PRTFDC1: variants seen among roughly 807,000 people sequenced by gnomAD.
The protein encoded by PRTFDC1 is phosphoribosyl transferase domain containing 1, also known as phosphoribosyltransferase domain-containing protein 1.
In PRTFDC1, 38 loss-of-function variants were observed where a neutral mutation model predicts 34.6. The ratio of observed to expected loss-of-function variants is 1.10; its 90% confidence interval spans 0.85 to 1.44. The LOEUF (loss-of-function observed/expected upper bound fraction) is 1.44. Among genes scored for constraint, PRTFDC1 ranks in the 40% most tolerant of loss-of-function variants. The pLI, the probability that PRTFDC1 is intolerant of heterozygous loss-of-function variation, is 0.00. For synonymous variants in PRTFDC1, 93 were observed against 98.1 expected, an observed-to-expected ratio of 0.95 and a Z score of 0.31; for missense variants, 270 against 283.0, an observed-to-expected ratio of 0.95 and a Z score of 0.33.
intron 1 of PRTFDC1, among the ~76,000 whole-genome samples, chr10:24,950,640 G>C (rs545332315): frequency 6.6e-6 from 1 of 151,238 alleles, no homozygotes; most frequent in Non-Finnish European, 1.5e-5. Flanking sequence ...TCTTGACCCC[G>C]CCCCTCCTGC....
chr10:24,919,431 T>G (rs1267591473), intron 3 of PRTFDC1, among the ~76,000 whole-genome samples: 1 of 152,222 alleles, frequency 6.6e-6, no homozygotes, highest in Non-Finnish European at 1.5e-5. Context: ...GTTAGCCATG[T>G]GCAGAAAATT....
intron 2 of PRTFDC1, among the ~76,000 whole-genome samples, chr10:24,941,664 C>G (rs775140683): frequency 1.3e-5 from 2 of 152,070 alleles, no homozygotes; most frequent in Non-Finnish European, 2.9e-5. Flanking sequence ...AACCCTACCC[C>G]CTACCCAGGA....
Position 24,938,299 on chromosome 10 carries a change from C to T in PRTFDC1, c.156-932G>A, listed in dbSNP as rs114869141. 7.1e-3 allele frequency among the ~76,000 whole-genome samples: 1,077 copies of T among 152,004 alleles called. 16 individuals carry two copies. The highest frequency in any genetic ancestry group is 0.025 in the African/African-American group (1,033 of 41,464). On this transcript the variant is annotated intron_variant, in intron 2 of 8. Coordinates refer to ENST00000320152, the MANE Select transcript of PRTFDC1 (RefSeq NM_020200.7). ...GGTGAACACATCCTCTCCAGAAAAGCAACTATAAAACTGGGCAAAACTGCC... is the reference window on the plus strand; with the variant it reads ...GGTGAACACATCCTCTCCAGAAAAGTAACTATAAAACTGGGCAAAACTGCC...
intron 4 of PRTFDC1, among the ~76,000 whole-genome samples, chr10:24,862,351 C>T (rs1339453789): frequency 6.6e-6 from 1 of 151,650 alleles, no homozygotes; most frequent in East Asian, 1.9e-4. Context: ...GTCTCTTTTG[C>T]AGTATAGGCA....
At chr10:24,860,267 G>C (rs1358461344) in intron 4 of PRTFDC1, among the ~76,000 whole-genome samples, 1 of 152,252 alleles carries the variant, frequency 6.6e-6, no homozygotes, top group East Asian at 1.9e-4. Context: ...TGTAATCCCA[G>C]CTACTCAGGA....
intron 3 of PRTFDC1, among the ~76,000 whole-genome samples, chr10:24,900,089 TG>T (rs1848425327): frequency 6.6e-6 from 1 of 152,226 alleles, no homozygotes; most frequent in Non-Finnish European, 1.5e-5. Flanking sequence ...ATTCCATCAA[TG>T]GGCAGAATTC....
At chr10:24,917,930 C>G (rs117768952) in intron 3 of PRTFDC1, among the ~76,000 whole-genome samples, 6 of 152,280 alleles carry the variant, frequency 3.9e-5, no homozygotes, top group Non-Finnish European at 8.8e-5. Context: ...TTAGCTGGAT[C>G]TCCCCAGGCC....
intron 3 of PRTFDC1, among the ~76,000 whole-genome samples, chr10:24,879,985 A>G (rs1346258207): frequency 1.3e-5 from 2 of 152,116 alleles, no homozygotes; most frequent in African/African-American, 2.4e-5. Context: ...GCATCTCACG[A>G]ATTCAGGGAC....
chr10:24,880,497 A>G (rs1276374769), intron 3 of PRTFDC1, among the ~76,000 whole-genome samples: 2 of 152,182 alleles, frequency 1.3e-5, no homozygotes, highest in African/African-American at 4.8e-5. Context: ...AAACATACAC[A>G]TCTGTGTGAG....
intron 3 of PRTFDC1, among the ~76,000 whole-genome samples, chr10:24,899,756 A>G (rs760311261): frequency 6.6e-6 from 1 of 152,218 alleles, no homozygotes; most frequent in African/African-American, 2.4e-5. Context: ...ACAGATGACA[A>G]TGATGAATGA....
intron 3 of PRTFDC1, among the ~76,000 whole-genome samples, chr10:24,895,844 T>C (rs1336505461): frequency 6.6e-6 from 1 of 151,580 alleles, no homozygotes; most frequent in Non-Finnish European, 1.5e-5. Context: ...ATTACAACAA[T>C]AATATGAGTA....
chr10:24,869,580 T>C (rs1250480489), intron 4 of PRTFDC1, among the ~76,000 whole-genome samples: 1 of 152,220 alleles, frequency 6.6e-6, no homozygotes, highest in East Asian at 1.9e-4. Flanking sequence ...GGGCTCTGGC[T>C]ACTTCTGGTG....
intron 3 of PRTFDC1, among the ~76,000 whole-genome samples, chr10:24,907,521 G>A (rs947816237): frequency 5.3e-5 from 8 of 152,296 alleles, no homozygotes; most frequent in Admixed American, 1.3e-4. Context: ...ACTTGAACCC[G>A]GGAGATGGAG....
At chr10:24,858,256 T>C (rs918463526) in intron 5 of PRTFDC1, 136 bp downstream of exon 5, 6 of 825,710 alleles carry the variant, frequency 7.3e-6, no homozygotes, top group Non-Finnish European at 9.8e-6. Context: ...CTGGCCCCTA[T>C]TCATTAAATT....
chr10:24,902,312 G>T (rs1004842692), intron 3 of PRTFDC1, among the ~76,000 whole-genome samples: 1 of 152,094 alleles, frequency 6.6e-6, no homozygotes, highest in African/African-American at 2.4e-5. Context: ...AGCTGTGGAC[G>T]GATGCCAATG....
intron 3 of PRTFDC1, among the ~76,000 whole-genome samples, chr10:24,926,898 A>G (rs938854884): frequency 6.6e-6 from 1 of 152,182 alleles, no homozygotes; most frequent in African/African-American, 2.4e-5. Context: ...TTTCCCTCTC[A>G]GTGTTTGCTT....
rs112008221 is a variant in PRTFDC1, at chr10:24,903,707, C to CT, written c.340-31645dup. ...CTCCTTCTCAGGATGAAGTTGTATT[C>CT]TTTTTTTTTTTTTTGAGACAGGGTC... On this transcript the variant is annotated intron_variant, in intron 3 of 8. Transcript: ENST00000320152. Among the ~76,000 whole-genome samples, 400 of 142,598 alleles carry CT rather than the reference C, an allele frequency of 2.8e-3. 2 individuals are homozygous for CT. The highest frequency in any genetic ancestry group is 3.7e-3 in the Middle Eastern group (1 of 272). The allele number at this position is 142,598 out of a possible 152,430, so 93.5% of individuals were successfully genotyped here.
chr10:24,863,930 G>A (rs951374130), intron 4 of PRTFDC1, among the ~76,000 whole-genome samples: 1 of 149,746 alleles, frequency 6.7e-6, no homozygotes, highest in Non-Finnish European at 1.5e-5. Flanking sequence ...GAGGTGGGAG[G>A]ATCACCTGAG....
intron 3 of PRTFDC1, among the ~76,000 whole-genome samples, chr10:24,925,541 A>G (rs1848858004): frequency 6.6e-6 from 1 of 152,230 alleles, no homozygotes; most frequent in African/African-American, 2.4e-5. Context: ...TAGCAGCATG[A>G]GAACAGATTA....
Sources: allele counts gnomAD v4.1 joint callset (sites outside exome capture counted in the v4.1 genomes callset), GRCh38; gene constraint gnomAD v4.1.1; transcripts MANE v1.5; gene names NCBI Gene and HGNC (gene_info 2026-07-23, HGNC 2026-07-21).